The following GABRA2 variants were observed in gnomAD, a reference collection of about 807,000 sequenced individuals.
GABRA2 encodes the protein gamma-aminobutyric acid type A receptor subunit alpha2, also known as gamma-aminobutyric acid receptor subunit alpha-2.
A neutral mutation model predicts 48.7 loss-of-function variants in GABRA2; 16 were observed. That is an observed-to-expected ratio of 0.33 (90% confidence interval 0.22 to 0.50). GABRA2 has a LOEUF of 0.50. Ranked by LOEUF, GABRA2 falls within the 20% of genes least tolerant of loss-of-function variation. The probability of loss-of-function intolerance (pLI) is 0.98; values close to 1 mark genes in which losing one functional copy is unlikely to be tolerated. For missense variants in GABRA2, 275 were observed against 535.6 expected (o/e 0.51, Z 4.80); for synonymous variants, 185 against 184.5 (o/e 1.00, Z -0.02).
Position 46,254,184 on chromosome 4 carries a change from G to T in GABRA2, c.1060-3580C>A, listed in dbSNP as rs1181186996. Among the ~76,000 whole-genome samples the T allele has an allele frequency of 2.0e-5, 3 of 151,436 alleles. No homozygotes were observed. In the East Asian group the frequency reaches 5.9e-4, roughly 30 times the overall value. The stretch of plus-strand genomic sequence containing the variant: ...ATTGACTGCTATTAAAAATAACTGT[G>T]TTGGGAGAAATCATACTATAGAGAC... On this transcript the variant is annotated intron_variant, in intron 9 of 9. Transcript: ENST00000381620.
At chr4:46,279,749 CA>C (rs1250855163) in intron 8 of GABRA2, among the ~76,000 whole-genome samples, 1 of 152,064 alleles carries the variant, frequency 6.6e-6, no homozygotes, top group Non-Finnish European at 1.5e-5. Flanking sequence ...TGCTATTATG[CA>C]GGAAACTTAG....
At chr4:46,282,387 T>C (rs759395447) in intron 8 of GABRA2, among the ~76,000 whole-genome samples, 14 of 152,202 alleles carry the variant, frequency 9.2e-5, no homozygotes, top group Non-Finnish European at 1.6e-4. Context: ...ATATCTGAGA[T>C]GGTGTTTCTT....
chr4:46,370,811 T>C (rs1714768684), intron 3 of GABRA2, among the ~76,000 whole-genome samples: 1 of 152,074 alleles, frequency 6.6e-6, no homozygotes, highest in South Asian at 2.1e-4. Context: ...CTATACTCTG[T>C]CTATTTCTCT....
At chr4:46,351,936 T>A (rs1043296281) in intron 3 of GABRA2, among the ~76,000 whole-genome samples, 8 of 151,802 alleles carry the variant, frequency 5.3e-5, no homozygotes, top group African/African-American at 1.9e-4. Flanking sequence ...TTATATAAAC[T>A]TATAAGTTGA....
At chr4:46,353,778 G>A (rs189150733) in intron 3 of GABRA2, among the ~76,000 whole-genome samples, 87 of 152,054 alleles carry the variant, frequency 5.7e-4, no homozygotes, top group African/African-American at 2.0e-3. Flanking sequence ...TGTTCATCTT[G>A]CTTCCAATTC....
At chr4:46,273,484 CATAT>C (rs1250189953) in intron 8 of GABRA2, among the ~76,000 whole-genome samples, 1 of 18,914 alleles carries the variant, frequency 5.3e-5, no homozygotes, top group Non-Finnish European at 1.1e-4. Context: ...TATATATATG[CATAT>C]ATATATATAT....
At chr4:46,286,353 T>C (rs1244775403) in intron 8 of GABRA2, among the ~76,000 whole-genome samples, 1 of 152,128 alleles carries the variant, frequency 6.6e-6, no homozygotes, top group Non-Finnish European at 1.5e-5. Context: ...CGTTTGTTAA[T>C]GAAAATTTGG....
chr4:46,318,643 A>T (rs1448434096), intron 4 of GABRA2, among the ~76,000 whole-genome samples: 1 of 151,708 alleles, frequency 6.6e-6, no homozygotes, highest in African/African-American at 2.4e-5. Context: ...AAAAAAATAA[A>T]AAACGGTCTA....
intron 4 of GABRA2, among the ~76,000 whole-genome samples, chr4:46,325,069 T>C (rs1193169298): frequency 2.6e-5 from 4 of 151,958 alleles, no homozygotes; most frequent in Admixed American, 2.6e-4. Flanking sequence ...ATCTATATTC[T>C]ACTAAAAAGT....
At chr4:46,372,052 G>A (rs79854595) in intron 3 of GABRA2, among the ~76,000 whole-genome samples, 4,436 of 152,258 alleles carry the variant, frequency 0.029, 98 homozygotes, top group Admixed American at 0.045. Flanking sequence ...ATCAACATAT[G>A]CATGTTAATA....
At chr4:46,281,554 G>C (rs938311781) in intron 8 of GABRA2, among the ~76,000 whole-genome samples, 5 of 152,116 alleles carry the variant, frequency 3.3e-5, no homozygotes, top group Non-Finnish European at 7.4e-5. Flanking sequence ...TTCTCATTTA[G>C]TAGAAGGAAT....
chr4:46,300,455 A>C (rs1054924093), intron 8 of GABRA2, among the ~76,000 whole-genome samples: 1 of 151,578 alleles, frequency 6.6e-6, no homozygotes, highest in African/African-American at 2.4e-5. Context: ...CTGTCCTCTA[A>C]TCTCATATTC....
intron 3 of GABRA2, among the ~76,000 whole-genome samples, chr4:46,377,277 T>C (rs1308304425): frequency 4.1e-5 from 6 of 144,908 alleles, no homozygotes; most frequent in African/African-American, 1.6e-4. Context: ...CGCCATCCCA[T>C]CTAGGAAGTG....
At chr4:46,314,934 T>C (rs1728292631) in intron 4 of GABRA2, among the ~76,000 whole-genome samples, 1 of 152,114 alleles carries the variant, frequency 6.6e-6, no homozygotes, top group Non-Finnish European at 1.5e-5. Flanking sequence ...TCGTGAATAG[T>C]GCTGCAATGA....
In GABRA2 at chr4:46,352,844, T is replaced by C. The variant is rs776224459; in HGVS notation, c.188-20162A>G. On this transcript the variant is annotated intron_variant, in intron 3 of 9. Transcript: ENST00000381620. ...ATGGTAAAGTGCTTGGATCAGACAA[T>C]GTAATGGGAGGTGAAAAGTCAGGAC... 7.9e-5 allele frequency among the ~76,000 whole-genome samples: 12 copies of C among 152,108 alleles called. 1 individual carries two copies. Among genetic ancestry groups the C allele is most frequent in the Non-Finnish European group, 1.6e-4 (11 of 68,012 alleles).
At chr4:46,336,736 G>A (rs900327023) in intron 3 of GABRA2, among the ~76,000 whole-genome samples, 1 of 152,106 alleles carries the variant, frequency 6.6e-6, no homozygotes, top group African/African-American at 2.4e-5. Flanking sequence ...GACATGTACT[G>A]AGGAACACAT....
intron 4 of GABRA2, among the ~76,000 whole-genome samples, chr4:46,323,354 T>A (rs1731564887): frequency 6.6e-6 from 1 of 152,000 alleles, no homozygotes; most frequent in Admixed American, 6.6e-5. Flanking sequence ...GCTAAAATAC[T>A]GTTTTTCCAT....
rs556966980 is a variant in GABRA2, at chr4:46,272,961, A to G, written c.857-10833T>C. 5.2e-4 allele frequency among the ~76,000 whole-genome samples: 79 copies of G among 152,074 alleles called. 1 individual carries two copies. Among genetic ancestry groups the G allele is most frequent in the Admixed American group, 2.8e-3 (43 of 15,214 alleles). The stretch of plus-strand genomic sequence containing the variant: ...TGCAGAATGTGCAGGTTTGTTACAC[A>G]GTTGTACACATGCCATGGTGGTTTG... On this transcript the variant is annotated intron_variant, in intron 8 of 9. Coordinates refer to ENST00000381620, the MANE Select transcript of GABRA2 (RefSeq NM_000807.4).
chr4:46,282,265 AC>A (rs1205595917), intron 8 of GABRA2, among the ~76,000 whole-genome samples: 2 of 152,048 alleles, frequency 1.3e-5, no homozygotes, highest in Non-Finnish European at 2.9e-5. Flanking sequence ...GTGGCCTGTG[AC>A]CCAAGTCTTG....
Sources: allele counts gnomAD v4.1 joint callset (sites outside exome capture counted in the v4.1 genomes callset), GRCh38; gene constraint gnomAD v4.1.1; transcripts MANE v1.5; gene names NCBI Gene and HGNC (gene_info 2026-07-23, HGNC 2026-07-21).